DYNC1H1: variants seen among roughly 807,000 people sequenced by gnomAD.
DYNC1H1 encodes dynein cytoplasmic 1 heavy chain 1, also known as cytoplasmic dynein 1 heavy chain 1.
DYNC1H1 carries 51 observed loss-of-function variants against 527.1 expected under a neutral mutation model. That is an observed-to-expected ratio of 0.10 (90% confidence interval 0.08 to 0.12). DYNC1H1 has a LOEUF of 0.12. Ranked by LOEUF, DYNC1H1 falls within the 10% of genes least tolerant of loss-of-function variation. DYNC1H1 has a pLI of 1.00. For missense variants in DYNC1H1, 2,771 were observed against 5,971.8 expected (o/e 0.46, Z 17.66); for synonymous variants, 2,189 against 2,278.8 (o/e 0.96, Z 1.12).
intron 1 of DYNC1H1, among the ~76,000 whole-genome samples, chr14:101,970,441 T>TAATGTGG (rs1487894916): frequency 1.3e-5 from 2 of 149,490 alleles, no homozygotes; most frequent in African/African-American, 2.5e-5. Flanking sequence ...AGAATAATAA[T>TAATGTGG]AATGTGGTAT....
intron 69 of DYNC1H1, chr14:102,043,263 G>A (rs748690485): frequency 2.2e-3 from 371 of 169,278 alleles, no homozygotes; most frequent in Admixed American, 3.5e-3. Flanking sequence ...CAGCCTGGGC[G>A]AAAGAGCAAG....
At position 102,027,681 on chromosome 14, in the gene DYNC1H1, A is replaced by G. The variant is rs534618166; in HGVS notation, c.9111A>G (p.Ala3037=). 6.2e-7 allele frequency: 1 copy of G among 1,614,064 alleles called. No homozygotes were observed. The highest frequency in any genetic ancestry group is 8.5e-7 in the Non-Finnish European group (1 of 1,180,038). The change falls in exon 47 of 78, where the codon GCA becomes GCG. Residue 3037 remains alanine, a synonymous_variant. Coordinates refer to ENST00000360184, the MANE Select transcript of DYNC1H1 (RefSeq NM_001376.5). The surrounding 1 kb of genome is among the most constrained non-coding windows in gnomAD (Gnocchi z 7.7). ...TGATGACGCAGTGCAAAGAGGGGGC[A>G]CAGAAGGAAGGCCTGATGCTGGACT... The part of the protein sequence containing the change: ...ATLMTQCKEG[A]QKEGLMLDSH...
chr14:102,055,305 G>A lies in DYNC1H1; in HGVS notation c.*4742G>A, dbSNP rs951412372. ...GCGCCCCACCCAACAGAGCCGACCAGGCTGGGAACACCGAGACCGAGAGCG... is the reference window on the plus strand; with the variant it reads ...GCGCCCCACCCAACAGAGCCGACCAAGCTGGGAACACCGAGACCGAGAGCG... On this transcript the variant is annotated 3_prime_UTR_variant, in exon 78 of 78. Transcript: ENST00000360184. 5.3e-5 allele frequency: 8 copies of A among 152,344 alleles called. No individual in the cohort carries two copies. The highest frequency in any genetic ancestry group is 1.7e-4 in the African/African-American group (7 of 41,512). The allele number at this position is 152,344 out of a possible 1,614,324, so 9.4% of individuals were successfully genotyped here.
Position 102,012,663 on chromosome 14 carries a change from T to C in DYNC1H1, c.7014+193T>C. 1 of 690,266 alleles carries C rather than the reference T, an allele frequency of 1.4e-6. No homozygotes were observed. Among genetic ancestry groups the C allele is most frequent in the Non-Finnish European group, 2.5e-6 (1 of 401,000 alleles). The allele number at this position is 690,266 out of a possible 1,614,324, so 42.8% of individuals were successfully genotyped here. On this transcript the variant is annotated intron_variant, in intron 34 of 77. Transcript: ENST00000360184. This position sits in a 1 kb window ranked among gnomAD's most constrained non-coding sequence, Gnocchi z 4.9. ...ATTTCCATGGCTAGTGAGAAACATT[T>C]TAATAGGTTTTATTGATGGCTTTCT...
At position 102,044,235 on chromosome 14, in the gene DYNC1H1, C is replaced by G; in HGVS notation, c.12685-39C>G. ...GAAAGGAAGCCCCGGGCCTGCCCGCCTCTGACCACACACACGAACCCTGCT... is the reference window on the plus strand; with the variant it reads ...GAAAGGAAGCCCCGGGCCTGCCCGCGTCTGACCACACACACGAACCCTGCT... On this transcript the variant is annotated intron_variant, in intron 70 of 77. Transcript: ENST00000360184. The surrounding 1 kb of genome is among the most constrained non-coding windows in gnomAD (Gnocchi z 7.1). 1.2e-6 allele frequency: 2 copies of G among 1,612,088 alleles called. No homozygotes were observed. The highest frequency in any genetic ancestry group is 1.1e-5 in the South Asian group (1 of 90,874).
chr14:102,013,796 C>T (rs1176117821), intron 34 of DYNC1H1, among the ~76,000 whole-genome samples: 1 of 152,168 alleles, frequency 6.6e-6, no homozygotes, highest in Non-Finnish European at 1.5e-5. Context: ...TGGAGACTGC[C>T]TCAGACCTCC....
At position 102,055,561 on chromosome 14, in the gene DYNC1H1, T is replaced by A. The variant is rs545861166; in HGVS notation, c.*4998T>A. Reference sequence around the variant, plus strand: ...TCCGGACATCTGTTCAGCACCCCCCTCGACCTGGCCAAGGCTCCACGCACC... The same window carrying A: ...TCCGGACATCTGTTCAGCACCCCCCACGACCTGGCCAAGGCTCCACGCACC... On this transcript the variant is annotated 3_prime_UTR_variant, in exon 78 of 78. Coordinates refer to ENST00000360184, the MANE Select transcript of DYNC1H1 (RefSeq NM_001376.5). 6.7e-6 allele frequency: 1 copy of A among 149,024 alleles called. No individual in the cohort carries two copies. Among genetic ancestry groups the A allele is most frequent in the Non-Finnish European group, 1.5e-5 (1 of 67,262 alleles). 9.2% of individuals were successfully genotyped at this position (149,024 alleles called of 1,614,324 possible). A position where few individuals can be genotyped will look rare whatever the true frequency, so the allele number is the denominator to read the frequency against.
Position 102,016,688 on chromosome 14 carries a change from G to GTT in DYNC1H1, c.7615-76_7615-75dup. On this transcript the variant is annotated intron_variant, in intron 37 of 77. Transcript: ENST00000360184. The surrounding 1 kb of genome is among the most constrained non-coding windows in gnomAD (Gnocchi z 7.3). ...TTACTTCCTTGTTCTGAAAGTTCAA[G>GTT]TTTGTGTTCAGGTAAACAAACCTCG... 6.4e-7 allele frequency: 1 copy of GTT among 1,561,808 alleles called. No individual in the cohort carries two copies. The highest frequency in any genetic ancestry group is 1.8e-4 in the Middle Eastern group (1 of 5,420).
At position 102,002,468 on chromosome 14, in the gene DYNC1H1, C is replaced by T; in HGVS notation, c.4543-69C>T. 6.3e-7 allele frequency: 1 copy of T among 1,597,342 alleles called. No individual in the cohort carries two copies. ...CATGAGATCCTGATCTGCGCTTTTT[C>T]AGTGAGTTTTGGCATATCTGTGAGT... On this transcript the variant is annotated intron_variant, in intron 21 of 77. Transcript: ENST00000360184. This position sits in a 1 kb window ranked among gnomAD's most constrained non-coding sequence, Gnocchi z 4.4.
chr14:101,984,480 A>T (rs1233887016), intron 7 of DYNC1H1, among the ~76,000 whole-genome samples: 3 of 90,370 alleles, frequency 3.3e-5, no homozygotes, highest in Admixed American at 3.3e-4. Flanking sequence ...TTTGAGACTG[A>T]GTCTCAGTCT....
Position 102,010,612 on chromosome 14 carries a change from A to T in DYNC1H1, c.6406-128A>T. 6.7e-7 allele frequency: 1 copy of T among 1,500,252 alleles called. No individual in the cohort carries two copies. The highest frequency in any genetic ancestry group is 1.4e-5 in the African/African-American group (1 of 72,156). 92.9% of individuals were successfully genotyped at this position (1,500,252 alleles called of 1,614,324 possible). ...AATGTTGACCCAGTGAGTCGAGTGC[A>T]CGAATGTGGGCGAGTGGTGCTCGCA... On this transcript the variant is annotated intron_variant, in intron 31 of 77. Coordinates refer to ENST00000360184, the MANE Select transcript of DYNC1H1 (RefSeq NM_001376.5). This position sits in a 1 kb window ranked among gnomAD's most constrained non-coding sequence, Gnocchi z 6.0.
In DYNC1H1 at chr14:102,028,267, T is replaced by G. The variant is rs1017257488; in HGVS notation, c.9468+126T>G. 6.0e-6 allele frequency: 7 copies of G among 1,170,028 alleles called. No homozygotes were observed. In the East Asian group the frequency reaches 1.6e-4, roughly 26 times the overall value. The allele number at this position is 1,170,028 out of a possible 1,614,324, so 72.5% of individuals were successfully genotyped here. A position where few individuals can be genotyped will look rare whatever the true frequency, so the allele number is the denominator to read the frequency against. On this transcript the variant is annotated intron_variant, in intron 48 of 77. Coordinates refer to ENST00000360184, the MANE Select transcript of DYNC1H1 (RefSeq NM_001376.5). Reference sequence around the variant, plus strand: ...TGACTCATGCCTGTAATCCCAGCACTTTGGGAGGCCAAGGCGGGAGGATCA... The same window carrying G: ...TGACTCATGCCTGTAATCCCAGCACGTTGGGAGGCCAAGGCGGGAGGATCA...
Position 102,036,155 on chromosome 14 carries a change from T to C in DYNC1H1, c.10755-334T>C. The stretch of plus-strand genomic sequence containing the variant: ...CGACATCATTGATGTTGATACGTGC[T>C]GTCTAGAAGGATCGTAAACATGAAA... On this transcript the variant is annotated intron_variant, in intron 56 of 77. Coordinates refer to ENST00000360184, the MANE Select transcript of DYNC1H1 (RefSeq NM_001376.5). The surrounding 1 kb of genome is among the most constrained non-coding windows in gnomAD (Gnocchi z 5.6). 1 of 322,208 alleles carries C rather than the reference T, an allele frequency of 3.1e-6. No individual in the cohort carries two copies. Among genetic ancestry groups the C allele is most frequent in the South Asian group, 2.8e-5 (1 of 36,184 alleles). The allele number at this position is 322,208 out of a possible 1,614,324, so 20.0% of individuals were successfully genotyped here. A position where few individuals can be genotyped will look rare whatever the true frequency, so the allele number is the denominator to read the frequency against.
Position 102,039,248 on chromosome 14 carries a change from C to G in DYNC1H1, c.11454C>G (p.Leu3818=). 6.2e-7 allele frequency: 1 copy of G among 1,613,498 alleles called. No individual in the cohort carries two copies. Among genetic ancestry groups the G allele is most frequent in the Non-Finnish European group, 8.5e-7 (1 of 1,180,034 alleles). Residue 3818 remains leucine, a synonymous_variant, in exon 60 of 78, where the codon CTC becomes CTG. Transcript: ENST00000360184. The surrounding 1 kb of genome is among the most constrained non-coding windows in gnomAD (Gnocchi z 7.0). The part of the protein sequence containing the change: ...CSSIYFTMES[L]KQIHFLYQYS... ...GCATCTACTTCACCATGGAGTCCCT[C>G]AAGCAGGTGGGTGCCTTGGCCATGC...
chr14:102,048,699 C>T (rs1409617001), intron 74 of DYNC1H1, 30 bp downstream of exon 74: 1 of 1,607,764 alleles, frequency 6.2e-7, no homozygotes, highest in Non-Finnish European at 8.5e-7. Flanking sequence ...CGTGGTGTGG[C>T]TTCCGGCGGG....
At position 102,022,977 on chromosome 14, in the gene DYNC1H1, T is replaced by C. The variant is rs1337382716; in HGVS notation, c.8637+97T>C. 3.8e-6 allele frequency: 6 copies of C among 1,575,166 alleles called. No homozygotes were observed. In the Admixed American group the frequency reaches 7.1e-5, roughly 19 times the overall value. On this transcript the variant is annotated intron_variant, in intron 43 of 77. Transcript: ENST00000360184. ...GAATTATCTTCTACTCAAAAATATC[T>C]TTAGGCTGGGTATGGTGTCTCACAC...
intron 18 of DYNC1H1, 100 bp downstream of exon 18, chr14:102,000,499 C>A: frequency 7.0e-6 from 7 of 1,002,534 alleles, no homozygotes; most frequent in Non-Finnish European, 7.6e-6. Context: ...ATTGTGAGTT[C>A]ATAAGATGTC....
intron 1 of DYNC1H1, among the ~76,000 whole-genome samples, chr14:101,973,199 A>ATTTTTT (rs59446522): frequency 2.1e-5 from 3 of 141,372 alleles, no homozygotes; most frequent in African/African-American, 7.8e-5. Flanking sequence ...AGATACACTA[A>ATTTTTT]TTTTTTTTTT....
rs1292509595 is a variant in DYNC1H1, at chr14:102,016,350, G to A, written c.7475G>A (p.Arg2492Gln). ...AAAGTTTAATTCCCTTTTTAATAGC[G>A]ATATCTGGTTTATGCCATACTCTGG... Reference protein sequence around the residue: ...QIEQLERYIQRYLVYAILWSL... With the variant: ...QIEQLERYIQQYLVYAILWSL... Residue 2492 changes from arginine to glutamine, a missense_variant and splice_region_variant, in exon 37 of 78, where the codon CGA becomes CAA. This residue lies in a region of DYNC1H1 where 71 missense variants were observed against 143.6 expected (regional missense o/e 0.49). Coordinates refer to ENST00000360184, the MANE Select transcript of DYNC1H1 (RefSeq NM_001376.5). This position sits in a 1 kb window ranked among gnomAD's most constrained non-coding sequence, Gnocchi z 7.3. 8 of 1,613,916 alleles carry A rather than the reference G, an allele frequency of 5.0e-6. No homozygotes were observed. The highest frequency in any genetic ancestry group is 2.2e-5 in the East Asian group (1 of 44,894).
Sources: gnomAD v4.1 joint callset for allele counts (sites outside exome capture counted in the v4.1 genomes callset) on GRCh38, gnomAD v4.1.1 for gene constraint, gnomAD v4.1.1 regional missense constraint, Gnocchi (gnomAD v3.1) non-coding constraint, MANE v1.5 for transcripts, NCBI Gene and HGNC (gene_info 2026-07-23, HGNC 2026-07-21) for gene names.